PACC1: variants seen among roughly 807,000 people sequenced by gnomAD.
The protein encoded by PACC1 is proton activated chloride channel 1.
Under a neutral mutation model 39.7 loss-of-function variants are expected in PACC1, and 34 were observed. The observed-to-expected ratio is 0.86, with a 90% CI of 0.65 to 1.14. PACC1 has a LOEUF of 1.14. Ranked by LOEUF, PACC1 falls within the 50% of genes most tolerant of loss-of-function variation. PACC1 has a pLI of 0.00. For missense variants in PACC1, 379 were observed against 436.4 expected, an observed-to-expected ratio of 0.87 and a Z score of 1.17; for synonymous variants, 127 against 160.6, an observed-to-expected ratio of 0.79 and a Z score of 1.58.
chr1:212,377,505 T>C, intron 6 of PACC1, 57 bp downstream of exon 6: 1 of 1,606,068 alleles, frequency 6.2e-7, no homozygotes, highest in Non-Finnish European at 8.5e-7. Flanking sequence ...TCCCTCCACC[T>C]CAGACTCGAA....
In PACC1 at chr1:212,380,697, G is replaced by A. The variant is rs555329640; in HGVS notation, c.496-660C>T. Among the ~76,000 whole-genome samples, 3 of 152,022 alleles carry A rather than the reference G, an allele frequency of 2.0e-5. No homozygotes were observed. The South Asian group carries it at 6.2e-4, about 31-fold the overall frequency. ...AGAACCAATATCTATGTCTGCTTCT[G>A]GCCCTAGCAGAGCCCACACATTTGT... On this transcript the variant is annotated intron_variant, in intron 4 of 7. Transcript: ENST00000261455.
chr1:212,409,325 CAGA>C (rs1019789820), intron 2 of PACC1, among the ~76,000 whole-genome samples: 7 of 152,102 alleles, frequency 4.6e-5, no homozygotes, highest in African/African-American at 1.4e-4. Context: ...GTAATCTGGC[CAGA>C]AGGTTAGAGA....
chr1:212,392,850 T>C (rs1383360853), intron 2 of PACC1, among the ~76,000 whole-genome samples: 2 of 151,400 alleles, frequency 1.3e-5, no homozygotes, highest in African/African-American at 4.9e-5. Flanking sequence ...GGCCATTACA[T>C]AATGGTAAAG....
At chr1:212,379,852 T>TA in intron 5 of PACC1, 43 bp downstream of exon 5, 1 of 1,611,232 alleles carries the variant, frequency 6.2e-7, no homozygotes, top group Non-Finnish European at 8.5e-7. Flanking sequence ...TGGAATAAGA[T>TA]AAAAAGTAGA....
chr1:212,370,195 G>A (rs1398279543), intron 7 of PACC1, among the ~76,000 whole-genome samples: 5 of 152,290 alleles, frequency 3.3e-5, no homozygotes, highest in Middle Eastern at 6.8e-3. Context: ...GGCCAGGTGC[G>A]GAGGCTCACG....
intron 5 of PACC1, among the ~76,000 whole-genome samples, chr1:212,379,190 A>G (rs948197082): frequency 1.3e-5 from 2 of 152,018 alleles, no homozygotes; most frequent in African/African-American, 2.4e-5. Flanking sequence ...TGATCCGCCC[A>G]CCTTGGCCTC....
chr1:212,389,481 C>T (rs1368181177), intron 2 of PACC1, among the ~76,000 whole-genome samples: 1 of 152,070 alleles, frequency 6.6e-6, no homozygotes, highest in African/African-American at 2.4e-5. Context: ...ATAACAGAAT[C>T]CAGAATCTCT....
intron 4 of PACC1, among the ~76,000 whole-genome samples, chr1:212,382,553 G>A (rs748738146): frequency 1.4e-4 from 21 of 152,232 alleles, no homozygotes; most frequent in Non-Finnish European, 2.4e-4. Flanking sequence ...GCAAAATTCC[G>A]AAGATTTTAC....
chr1:212,405,994 T>C (rs1661896150), intron 2 of PACC1, among the ~76,000 whole-genome samples: 1 of 147,690 alleles, frequency 6.8e-6, no homozygotes, highest in African/African-American at 2.5e-5. Context: ...ATTTAAAAAT[T>C]AGCCAGGTAT....
intron 1 of PACC1, among the ~76,000 whole-genome samples, chr1:212,411,151 C>T (rs1280666738): frequency 6.6e-6 from 1 of 152,172 alleles, no homozygotes; most frequent in East Asian, 1.9e-4. Flanking sequence ...TAAGGAAACA[C>T]AATTCAACCC....
rs1251664344 is a variant in PACC1, at chr1:212,414,870, G to A, written c.-113C>T. 4 of 1,400,642 alleles carry A rather than the reference G, an allele frequency of 2.9e-6. No homozygotes were observed. Among genetic ancestry groups the A allele is most frequent in the Admixed American group, 2.0e-5 (1 of 49,650 alleles). 86.8% of individuals were successfully genotyped at this position (1,400,642 alleles called of 1,614,324 possible). ...CGGCTCCGCGAGGCGAAACCGGTCC[G>A]GAGGGGCGTCCCAGAGACCAGGCGT... On this transcript the variant is annotated 5_prime_UTR_variant, in exon 1 of 8. Transcript: ENST00000261455.
chr1:212,369,506 C>T (rs531323042), intron 7 of PACC1, among the ~76,000 whole-genome samples: 29 of 152,174 alleles, frequency 1.9e-4, no homozygotes, highest in Admixed American at 1.6e-3. Context: ...ACAGGCCAGG[C>T]GTGATGGCTT....
At chr1:212,370,047 A>G (rs1311183651) in intron 7 of PACC1, among the ~76,000 whole-genome samples, 4 of 152,216 alleles carry the variant, frequency 2.6e-5, no homozygotes, top group Non-Finnish European at 5.9e-5. Context: ...ACAGACTGCA[A>G]TACAGTAATA....
At chr1:212,397,362 TC>T (rs1453441537) in intron 2 of PACC1, among the ~76,000 whole-genome samples, 2 of 152,030 alleles carry the variant, frequency 1.3e-5, no homozygotes, top group Non-Finnish European at 2.9e-5. Context: ...GACTAAACCG[TC>T]CAATTAAAAA....
In PACC1 at chr1:212,363,945, C is replaced by T. The variant is rs1388173315; in HGVS notation, c.*1270G>A. 3 of 152,174 alleles carry T rather than the reference C, an allele frequency of 2.0e-5. No individual in the cohort carries two copies. The highest frequency in any genetic ancestry group is 4.4e-5 in the Non-Finnish European group (3 of 68,038). The allele number at this position is 152,174 out of a possible 1,614,324, so 9.4% of individuals were successfully genotyped here. A position where few individuals can be genotyped will look rare whatever the true frequency, so the allele number is the denominator to read the frequency against. ...AGGGAATATTTCTTTATACAGTTCA[C>T]TTTTAATCATTCATCCAAAAAACAG... On this transcript the variant is annotated 3_prime_UTR_variant, in exon 8 of 8. Transcript: ENST00000261455.
intron 2 of PACC1, among the ~76,000 whole-genome samples, chr1:212,396,743 A>G (rs1048535054): frequency 3.3e-5 from 5 of 151,298 alleles, no homozygotes; most frequent in African/African-American, 4.8e-5. Flanking sequence ...AATAATAATC[A>G]AAGTGCTAAT....
intron 7 of PACC1, among the ~76,000 whole-genome samples, chr1:212,374,137 G>C (rs1660564185): frequency 2.0e-5 from 3 of 151,720 alleles, no homozygotes. Flanking sequence ...GCCAAGATAT[G>C]GAATCAACTC....
chr1:212,404,272 A>G (rs1203676595), intron 2 of PACC1, among the ~76,000 whole-genome samples: 1 of 151,652 alleles, frequency 6.6e-6, no homozygotes, highest in Non-Finnish European at 1.5e-5. Context: ...ACTCCTGGCT[A>G]ATTTTTTGTA....
rs1453161169 is a variant in PACC1 at position 212,381,599 on chromosome 1, G to C, written c.496-1562C>G. Among the ~76,000 whole-genome samples, 7 of 151,828 alleles carry C rather than the reference G, an allele frequency of 4.6e-5. No homozygotes were observed. In the East Asian group the frequency reaches 9.7e-4, roughly 21 times the overall value. On this transcript the variant is annotated intron_variant, in intron 4 of 7. Coordinates refer to ENST00000261455, the MANE Select transcript of PACC1 (RefSeq NM_018252.3). ...AGTTCCTAATGTGCGAAAGAAAAGG[G>C]GACTCATTCAACTCCACCCCATTTC... is the stretch of plus-strand genomic sequence containing the variant.
Sources: gnomAD v4.1 joint callset for allele counts (sites outside exome capture counted in the v4.1 genomes callset) on GRCh38, gnomAD v4.1.1 for gene constraint, MANE v1.5 for transcripts, NCBI Gene and HGNC (gene_info 2026-07-23, HGNC 2026-07-21) for gene names.